GRIA1: variants seen among roughly 807,000 people sequenced by gnomAD.
GRIA1 encodes the protein glutamate receptor 1.
A neutral mutation model predicts 99.2 loss-of-function variants in GRIA1; 31 were observed. The observed-to-expected ratio is 0.31, with a 90% CI of 0.23 to 0.42. The LOEUF is 0.42. Ranked by LOEUF, GRIA1 falls within the 10% of genes least tolerant of loss-of-function variation. The probability of loss-of-function intolerance (pLI) is 1.00; values close to 1 mark genes in which losing one functional copy is unlikely to be tolerated. For synonymous variants in GRIA1, 438 were observed against 432.4 expected, an observed-to-expected ratio of 1.01 and a Z score of -0.16; for missense variants, 782 against 1,157.5, an observed-to-expected ratio of 0.68 and a Z score of 4.71.
intron 2 of GRIA1, among the ~76,000 whole-genome samples, chr5:153,558,629 C>T (rs1760856125): frequency 6.6e-6 from 1 of 152,056 alleles, no homozygotes; most frequent in Admixed American, 6.6e-5. Flanking sequence ...TTTGTTTATT[C>T]ATTCCCCAGC....
chr5:153,676,877 A>G (rs1273344415), intron 6 of GRIA1, 117 bp from the exon 7 acceptor site: 2 of 696,160 alleles, frequency 2.9e-6, no homozygotes, highest in Admixed American at 3.2e-5. Flanking sequence ...TATACCATGC[A>G]TCTGGCCCAC....
intron 2 of GRIA1, among the ~76,000 whole-genome samples, chr5:153,607,739 G>A (rs749280467): frequency 6.6e-6 from 1 of 151,934 alleles, no homozygotes; most frequent in East Asian, 1.9e-4. Flanking sequence ...AACTGCTAAT[G>A]TACATGTTAT....
At chr5:153,570,887 G>A (rs1014735890) in intron 2 of GRIA1, among the ~76,000 whole-genome samples, 1 of 152,068 alleles carries the variant, frequency 6.6e-6, no homozygotes, top group African/African-American at 2.4e-5. Context: ...AGTCCCCCTT[G>A]TTCACTATAG....
chr5:153,689,403 A>G (rs1757577722), intron 8 of GRIA1, among the ~76,000 whole-genome samples: 1 of 152,218 alleles, frequency 6.6e-6, no homozygotes. Flanking sequence ...CCTGGATAGA[A>G]CAAATTGGCA....
chr5:153,512,413 T>C (rs1756182743), intron 2 of GRIA1, among the ~76,000 whole-genome samples: 2 of 152,188 alleles, frequency 1.3e-5, no homozygotes, highest in Admixed American at 6.5e-5. Flanking sequence ...AACTTAGACT[T>C]GGATTTCATC....
intron 2 of GRIA1, among the ~76,000 whole-genome samples, chr5:153,593,281 T>A (rs1001481796): frequency 4.6e-5 from 7 of 151,970 alleles, no homozygotes; most frequent in African/African-American, 9.7e-5. Flanking sequence ...AAATAAAAAA[T>A]AATAATAAAT....
chr5:153,804,997 C>T (rs1368545458), intron 15 of GRIA1, among the ~76,000 whole-genome samples: 1 of 151,996 alleles, frequency 6.6e-6, no homozygotes, highest in East Asian at 1.9e-4. Context: ...GATAATCCAC[C>T]CACCTCGGCC....
intron 10 of GRIA1, among the ~76,000 whole-genome samples, chr5:153,701,867 C>T (rs1371070113): frequency 6.6e-6 from 1 of 152,086 alleles, no homozygotes; most frequent in African/African-American, 2.4e-5. Flanking sequence ...TCTTATCTTC[C>T]TTTTGCTCCC....
chr5:153,502,829 G>A (rs1755136577), intron 2 of GRIA1, among the ~76,000 whole-genome samples: 1 of 152,160 alleles, frequency 6.6e-6, no homozygotes, highest in African/African-American at 2.4e-5. Context: ...ATAGCCTTTA[G>A]TCTGTCTACA....
intron 2 of GRIA1, among the ~76,000 whole-genome samples, chr5:153,606,163 A>C (rs1039884992): frequency 1.3e-5 from 2 of 152,132 alleles, no homozygotes; most frequent in African/African-American, 4.8e-5. Context: ...ATAGATATCC[A>C]GTTGTCAGCA....
chr5:153,510,701 A>T (rs1454317556), intron 2 of GRIA1, among the ~76,000 whole-genome samples: 1 of 152,240 alleles, frequency 6.6e-6, no homozygotes, highest in Non-Finnish European at 1.5e-5. Flanking sequence ...CATTGTTGAT[A>T]TTCCAAAGGT....
At position 153,602,898 on chromosome 5, in the gene GRIA1, G is replaced by A. The variant is rs182288432; in HGVS notation, c.221-44030G>A. Among the ~76,000 whole-genome samples, 273 of 152,072 alleles carry A rather than the reference G, an allele frequency of 1.8e-3. 1 individual carries two copies. The highest frequency in any genetic ancestry group is 2.8e-3 in the Non-Finnish European group (188 of 67,994). On this transcript the variant is annotated intron_variant, in intron 2 of 15. Coordinates refer to ENST00000285900, the MANE Select transcript of GRIA1 (RefSeq NM_000827.4). ...TTAAGTTCTTTTCTTTCTGTCCCTCGTGCCCTTTGTCTTCAGGCTGGTAAA... is the reference window on the plus strand; with the variant it reads ...TTAAGTTCTTTTCTTTCTGTCCCTCATGCCCTTTGTCTTCAGGCTGGTAAA...
At chr5:153,761,691 G>A (rs574988090) in intron 11 of GRIA1, among the ~76,000 whole-genome samples, 8 of 152,232 alleles carry the variant, frequency 5.3e-5, no homozygotes, top group African/African-American at 1.9e-4. Context: ...AATTAAATCA[G>A]TACATCAAAG....
At chr5:153,656,807 C>A (rs1290559507) in intron 5 of GRIA1, among the ~76,000 whole-genome samples, 1 of 152,128 alleles carries the variant, frequency 6.6e-6, no homozygotes, top group Non-Finnish European at 1.5e-5. Flanking sequence ...TTTTAAAATT[C>A]TTCATCACTG....
chr5:153,492,022 C>T (rs1332430344), intron 1 of GRIA1: 4 of 806,010 alleles, frequency 5.0e-6, no homozygotes, highest in Non-Finnish European at 7.2e-6. Context: ...GTTTGTGTCC[C>T]GGAATGAAGC....
chr5:153,733,238 G>T (rs1020899837), intron 11 of GRIA1, among the ~76,000 whole-genome samples: 3 of 151,954 alleles, frequency 2.0e-5, no homozygotes, highest in African/African-American at 7.2e-5. Context: ...TTTGTTAATT[G>T]CATATAATTT....
At chr5:153,734,110 C>T (rs749035819) in intron 11 of GRIA1, among the ~76,000 whole-genome samples, 6 of 152,294 alleles carry the variant, frequency 3.9e-5, no homozygotes, top group Non-Finnish European at 8.8e-5. Context: ...CTATGCATTT[C>T]CCTTCTCTGC....
chr5:153,792,898 C>T (rs1444508694), intron 13 of GRIA1, among the ~76,000 whole-genome samples: 1 of 152,136 alleles, frequency 6.6e-6, no homozygotes, highest in East Asian at 1.9e-4. Flanking sequence ...TGAAAATTGC[C>T]ACATTTAAAA....
chr5:153,696,701 T>C (rs1758130440), intron 8 of GRIA1, among the ~76,000 whole-genome samples: 1 of 152,224 alleles, frequency 6.6e-6, no homozygotes, highest in Non-Finnish European at 1.5e-5. Context: ...GATAGACCTG[T>C]TCATCCCAAT....
Sources: gnomAD v4.1 joint callset for allele counts (sites outside exome capture counted in the v4.1 genomes callset) on GRCh38, gnomAD v4.1.1 for gene constraint, MANE v1.5 for transcripts, NCBI Gene and HGNC (gene_info 2026-07-23, HGNC 2026-07-21) for gene names.